The following ADAMTS5 variants were observed in gnomAD, a reference collection of about 807,000 sequenced individuals.
ADAMTS5 encodes A disintegrin and metalloproteinase with thrombospondin motifs 5.
ADAMTS5 carries 54 observed loss-of-function variants against 81.4 expected under a neutral mutation model. That is an observed-to-expected ratio of 0.66 (90% confidence interval 0.53 to 0.83). The LOEUF is 0.83. Ranked by LOEUF, ADAMTS5 falls within the 40% of genes least tolerant of loss-of-function variation. The pLI is 0.00. For synonymous variants in ADAMTS5, 532 were observed against 508.8 expected (o/e 1.05, Z -0.61); for missense variants, 1,194 against 1,229.9 (o/e 0.97, Z 0.44).
rs192726341 is a variant in ADAMTS5, at chr21:26,923,527, C to T, written c.*526G>A. The T allele has an allele frequency of 6.5e-6, 1 of 152,762 alleles. No individual in the cohort carries two copies. The allele number at this position is 152,762 out of a possible 1,614,324, so 9.5% of individuals were successfully genotyped here. ...AGTTCTTAATTTCCAGTAAAATATC[C>T]ACAGCTCTTTCTGGAAACGGAAGGA... On this transcript the variant is annotated 3_prime_UTR_variant, in exon 8 of 8. Coordinates refer to ENST00000284987, the MANE Select transcript of ADAMTS5 (RefSeq NM_007038.5).
chr21:26,930,099 T>C, intron 6 of ADAMTS5, 38 bp from the exon 7 acceptor site: 1 of 1,603,498 alleles, frequency 6.2e-7, no homozygotes, highest in Non-Finnish European at 8.5e-7. Context: ...GGGAAATGTT[T>C]GCATCAGTAT....
chr21:26,945,409 G>A (rs910087888), intron 2 of ADAMTS5, among the ~76,000 whole-genome samples: 3 of 152,138 alleles, frequency 2.0e-5, no homozygotes, highest in Non-Finnish European at 2.9e-5. Flanking sequence ...AAAATGTGAT[G>A]TATACATTCT....
At chr21:26,958,743 A>T (rs1371137935) in intron 1 of ADAMTS5, among the ~76,000 whole-genome samples, 1 of 152,220 alleles carries the variant, frequency 6.6e-6, no homozygotes, top group Non-Finnish European at 1.5e-5. Flanking sequence ...TTTAGGGAAC[A>T]TCAGGCTCTA....
chr21:26,919,655 C>T lies in ADAMTS5; in HGVS notation c.*4398G>A, dbSNP rs1282926669. 2 of 151,882 alleles carry T rather than the reference C, an allele frequency of 1.3e-5. No individual in the cohort carries two copies. The highest frequency in any genetic ancestry group is 2.4e-5 in the African/African-American group (1 of 41,384). 9.4% of individuals were successfully genotyped at this position (151,882 alleles called of 1,614,324 possible). A position where few individuals can be genotyped will look rare whatever the true frequency, so the allele number is the denominator to read the frequency against. On this transcript the variant is annotated 3_prime_UTR_variant, in exon 8 of 8. Coordinates refer to ENST00000284987, the MANE Select transcript of ADAMTS5 (RefSeq NM_007038.5). ...GCATGGTTTTGTATTTCAATATGTTCTCATACATTAAATAAATGAAACACA... is the reference window on the plus strand; with the variant it reads ...GCATGGTTTTGTATTTCAATATGTTTTCATACATTAAATAAATGAAACACA...
At position 26,931,996 on chromosome 21, in the gene ADAMTS5, G is replaced by C; in HGVS notation, c.2049+8C>G. On this transcript the variant is annotated splice_region_variant and intron_variant, in intron 6 of 7. Coordinates refer to ENST00000284987, the MANE Select transcript of ADAMTS5 (RefSeq NM_007038.5). ...CCTACTGCTTCTGGACAGTTGGTGTGTAGTTACCTTTGGAGAAAATACCAC... is the reference window on the plus strand; with the variant it reads ...CCTACTGCTTCTGGACAGTTGGTGTCTAGTTACCTTTGGAGAAAATACCAC... 6.2e-7 allele frequency: 1 copy of C among 1,609,848 alleles called. No individual in the cohort carries two copies. The highest frequency in any genetic ancestry group is 8.5e-7 in the Non-Finnish European group (1 of 1,177,768).
rs573564228 is a variant in ADAMTS5 at position 26,923,281 on chromosome 21, A to C, written c.*772T>G. 6.6e-6 allele frequency: 1 copy of C among 152,264 alleles called. No individual in the cohort carries two copies. The highest frequency in any genetic ancestry group is 1.9e-4 in the East Asian group (1 of 5,184). The allele number at this position is 152,264 out of a possible 1,614,324, so 9.4% of individuals were successfully genotyped here. On this transcript the variant is annotated 3_prime_UTR_variant, in exon 8 of 8. Transcript: ENST00000284987. ...ACACACACGCAAACCCTACTTCTAC[A>C]TCTGAAATTATGCATTAATTTGGCT...
intron 3 of ADAMTS5, among the ~76,000 whole-genome samples, chr21:26,941,207 T>A (rs1396923153): frequency 6.6e-6 from 1 of 152,050 alleles, no homozygotes; most frequent in Non-Finnish European, 1.5e-5. Flanking sequence ...ATGAAAAAAA[T>A]CAAATAAGTA....
rs183773763 is a variant in ADAMTS5, at chr21:26,932,880, G to A, written c.1854C>T (p.Leu618=). Residue 618 remains leucine (L), a synonymous_variant, in exon 5 of 8, where the codon CTC becomes CTT. Coordinates refer to ENST00000284987, the MANE Select transcript of ADAMTS5 (RefSeq NM_007038.5). ...GCGTACCATTGGGTGGGCAGGGCAT[G>A]AGACTGCAGGAGCGGTAGATGGCCC... is the stretch of plus-strand genomic sequence containing the variant. ...GKRAIYRSCS[L]MPCPPNGKSF... is the part of the protein sequence containing the mutation. 30 of 1,612,536 alleles carry A rather than the reference G, an allele frequency of 1.9e-5. No individual in the cohort carries two copies. In the Admixed American group the frequency reaches 3.4e-4, roughly 18 times the overall value.
intron 1 of ADAMTS5, among the ~76,000 whole-genome samples, chr21:26,959,686 T>C (rs929955578): frequency 6.6e-6 from 1 of 152,188 alleles, no homozygotes; most frequent in African/African-American, 2.4e-5. Flanking sequence ...GTGAAAGATA[T>C]TCCAGAAAAC....
At chr21:26,950,975 C>T (rs1346226941) in intron 2 of ADAMTS5, among the ~76,000 whole-genome samples, 2 of 152,106 alleles carry the variant, frequency 1.3e-5, no homozygotes, top group Non-Finnish European at 1.5e-5. Flanking sequence ...CCCACCTCAG[C>T]CTTCTGAGTA....
At chr21:26,958,045 T>C (rs162504) in intron 1 of ADAMTS5, among the ~76,000 whole-genome samples, 34,357 of 152,026 alleles carry the variant, frequency 0.23, 4,589 homozygotes, top group Admixed American at 0.31. Flanking sequence ...AGTGTGAACT[T>C]TGAAAATCCC....
chr21:26,933,272 T>A (rs1188677123), intron 4 of ADAMTS5, among the ~76,000 whole-genome samples: 1 of 152,172 alleles, frequency 6.6e-6, no homozygotes, highest in Non-Finnish European at 1.5e-5. Context: ...TCTGAAAGCA[T>A]CATCCTAAGT....
intron 4 of ADAMTS5, 97 bp from the exon 5 acceptor site, chr21:26,933,141 CTT>C: frequency 1.6e-6 from 2 of 1,289,572 alleles, no homozygotes; most frequent in Non-Finnish European, 2.1e-6. Context: ...AAAGTGGAAA[CTT>C]TGTCACAGAT....
intron 3 of ADAMTS5, among the ~76,000 whole-genome samples, chr21:26,935,283 C>T (rs542518067): frequency 2.6e-5 from 4 of 152,228 alleles, no homozygotes; most frequent in East Asian, 1.9e-4. Flanking sequence ...AAGCTGGCTC[C>T]TCATTCATTC....
rs1439494639 is a variant in ADAMTS5, at chr21:26,934,537, TCCCTTCCA to T, written c.1610_1617del (p.Val537AspfsTer56). The T allele has an allele frequency of 1.2e-6, 2 of 1,614,024 alleles. No homozygotes were observed. The highest frequency in any genetic ancestry group is 1.7e-6 in the Non-Finnish European group (2 of 1,180,030). On this transcript the variant is annotated frameshift_variant, in exon 4 of 8. Transcript: ENST00000284987. LOFTEE classifies it high-confidence loss of function. ...CAGATTCTCCCCTTTCCACAAGGCG[TCCCTTCCA>T]CCGCAGGCAGCTTCTTGGTCAGACA... is the stretch of plus-strand genomic sequence containing the variant.
chr21:26,966,297 C>T lies in ADAMTS5; in HGVS notation c.95G>A (p.Gly32Glu), dbSNP rs892820462. The T allele has an allele frequency of 3.3e-6, 5 of 1,537,570 alleles. No individual in the cohort carries two copies. In the African/African-American group the frequency reaches 4.1e-5, roughly 13 times the overall value. ...GGCTGCTGCAGCAGTCGGAGGCTGCCCGGCTTTATCCTGGGCAGGTGTCGC... is the reference window on the plus strand; with the variant it reads ...GGCTGCTGCAGCAGTCGGAGGCTGCTCGGCTTTATCCTGGGCAGGTGTCGC... ...PAATPAQDKA[G>E]QPPTAAAAAQ... Residue 32 changes from glycine to glutamate, a missense_variant, in exon 1 of 8, where the codon GGG becomes GAG. Gly to Glu is a moderately conservative substitution (Grantham distance 98). This residue lies in a region of ADAMTS5 where 498 missense variants were observed against 412.3 expected (regional missense o/e 1.21). Coordinates refer to ENST00000284987, the MANE Select transcript of ADAMTS5 (RefSeq NM_007038.5).
chr21:26,949,349 C>G (rs1219767508), intron 2 of ADAMTS5, among the ~76,000 whole-genome samples: 1 of 151,810 alleles, frequency 6.6e-6, no homozygotes, highest in African/African-American at 2.4e-5. Flanking sequence ...ACACCACCAC[C>G]CTTGGCTAAT....
In ADAMTS5 at chr21:26,949,130, A is replaced by C. The variant is rs577455493; in HGVS notation, c.1238-5583T>G. The stretch of plus-strand genomic sequence containing the variant: ...ACTTTTACTTATGAGTATTCTAGTA[A>C]TCAGTGATATATATATATATATATC... On this transcript the variant is annotated intron_variant, in intron 2 of 7. Coordinates refer to ENST00000284987, the MANE Select transcript of ADAMTS5 (RefSeq NM_007038.5). Among the ~76,000 whole-genome samples the C allele has an allele frequency of 2.0e-3, 280 of 141,716 alleles. 3 individuals carry two copies. Among genetic ancestry groups the C allele is most frequent in the African/African-American group, 7.1e-3 (274 of 38,488 alleles). The allele number at this position is 141,716 out of a possible 152,430, so 93.0% of individuals were successfully genotyped here.
In ADAMTS5 at chr21:26,930,128, A is replaced by G. The variant is rs951965829; in HGVS notation, c.2050-67T>C. On this transcript the variant is annotated intron_variant, in intron 6 of 7. Transcript: ENST00000284987. ...TCAGTATTTGCTCCTTTGGTCAACT[A>G]GTAAGTTCTCATTTGTGATTTTTTG... is the stretch of plus-strand genomic sequence containing the variant. 2 of 1,504,296 alleles carry G rather than the reference A, an allele frequency of 1.3e-6. 1 individual carries two copies. Among genetic ancestry groups the G allele is most frequent in the Non-Finnish European group, 1.8e-6 (2 of 1,093,412 alleles). The allele number at this position is 1,504,296 out of a possible 1,614,324, so 93.2% of individuals were successfully genotyped here.
Sources: gnomAD v4.1 joint callset for allele counts (sites outside exome capture counted in the v4.1 genomes callset) on GRCh38, gnomAD v4.1.1 for gene constraint, gnomAD v4.1.1 regional missense constraint, MANE v1.5 for transcripts, NCBI Gene and HGNC (gene_info 2026-07-23, HGNC 2026-07-21) for gene names.